Variants in TBX6 observed in about 807,000 individuals in gnomAD.
TBX6 encodes T-box transcription factor 6.
TBX6 carries 29 observed loss-of-function variants against 42.3 expected under a neutral mutation model. The observed-to-expected ratio is 0.69, with a 90% confidence interval of 0.51 to 0.93. The LOEUF (loss-of-function observed/expected upper bound fraction) is 0.93. TBX6 is among the 40% of genes least tolerant of loss of function. The pLI is 0.00. For missense variants in TBX6, 569 were observed against 603.3 expected, an observed-to-expected ratio of 0.94 and a Z score of 0.59; for synonymous variants, 249 against 245.1, an observed-to-expected ratio of 1.02 and a Z score of -0.15.
rs2072628458 is a variant in TBX6 at position 30,086,353 on chromosome 16, C to T, written c.1183G>A (p.Gly395Ser). 1 of 1,589,366 alleles carries T rather than the reference C, an allele frequency of 6.3e-7. No individual in the cohort carries two copies. Among genetic ancestry groups the T allele is most frequent in the Non-Finnish European group, 8.5e-7 (1 of 1,173,284 alleles). Residue 395 changes from glycine to serine, a missense_variant, in exon 9 of 9, where the codon GGC (glycine) becomes AGC (serine). Physicochemically the swap from Gly to Ser is moderately conservative, Grantham distance 56. Transcript: ENST00000395224. This position sits in a 1 kb window ranked among gnomAD's most constrained non-coding sequence, Gnocchi z 4.6. ...GGTGGAGCCGCTGGGTACCCGGAGC[C>T]CCCTGACCCGTGCGGCAGCTCCAGA... ...AFLELPHGSG[G>S]SGYPAAPPAV...
Position 30,086,356 on chromosome 16 carries a change from C to G in TBX6, c.1180G>C (p.Gly394Arg), listed in dbSNP as rs571842380. The G allele has an allele frequency of 6.3e-7, 1 of 1,587,848 alleles. No individual in the cohort carries two copies. Among genetic ancestry groups the G allele is most frequent in the African/African-American group, 1.4e-5 (1 of 72,944 alleles). Reference sequence around the variant, plus strand: ...GGAGCCGCTGGGTACCCGGAGCCCCCTGACCCGTGCGGCAGCTCCAGAAAT... The same window carrying G: ...GGAGCCGCTGGGTACCCGGAGCCCCGTGACCCGTGCGGCAGCTCCAGAAAT... ...AAFLELPHGS[G>R]GSGYPAAPPA... is the part of the protein sequence containing the mutation. Residue 394 changes from glycine to arginine, a missense_variant, in exon 9 of 9, where the codon GGG (glycine) becomes CGG (arginine). Coordinates refer to ENST00000395224, the MANE Select transcript of TBX6 (RefSeq NM_004608.4). The surrounding 1 kb of genome is among the most constrained non-coding windows in gnomAD (Gnocchi z 4.6).
Position 30,086,157 on chromosome 16 carries a change from A to C in TBX6, c.*68T>G, listed in dbSNP as rs1331860866. ...GTGGGGGATGGGGCCGGTGGAGGTG[A>C]GGGGGCTCCAGGGCTGGGGGAAGGG... On this transcript the variant is annotated 3_prime_UTR_variant, in exon 9 of 9. Transcript: ENST00000395224. This position sits in a 1 kb window ranked among gnomAD's most constrained non-coding sequence, Gnocchi z 4.6. The C allele has an allele frequency of 5.2e-6, 7 of 1,358,238 alleles. No homozygotes were observed. The highest frequency in any genetic ancestry group is 6.7e-6 in the Non-Finnish European group (7 of 1,043,064). 84.1% of individuals were successfully genotyped at this position (1,358,238 alleles called of 1,614,324 possible). A position where few individuals can be genotyped will look rare whatever the true frequency, so the allele number is the denominator to read the frequency against.
Position 30,088,942 on chromosome 16 carries a change from C to T in TBX6, c.621+1G>A. Reference sequence around the variant, plus strand: ...TCCTGGAGTCCCAGCCTGGGCCTCACGTGGCCGTGGGGGTCCAGCGTGCTG... The same window carrying T: ...TCCTGGAGTCCCAGCCTGGGCCTCATGTGGCCGTGGGGGTCCAGCGTGCTG... On this transcript the variant is annotated splice_donor_variant, in intron 4 of 8. Coordinates refer to ENST00000395224, the MANE Select transcript of TBX6 (RefSeq NM_004608.4). LOFTEE classifies it high-confidence loss of function. The surrounding 1 kb of genome is among the most constrained non-coding windows in gnomAD (Gnocchi z 4.1). 2 of 1,605,012 alleles carry T rather than the reference C, an allele frequency of 1.2e-6. No homozygotes were observed. Among genetic ancestry groups the T allele is most frequent in the Non-Finnish European group, 1.7e-6 (2 of 1,173,142 alleles).
In TBX6 at chr16:30,088,633, G is replaced by A. The variant is rs749699705; in HGVS notation, c.769-18C>T. On this transcript the variant is annotated intron_variant, in intron 5 of 8. Coordinates refer to ENST00000395224, the MANE Select transcript of TBX6 (RefSeq NM_004608.4). This position sits in a 1 kb window ranked among gnomAD's most constrained non-coding sequence, Gnocchi z 4.1. ...TGTGTGATCTGGGGACACACATGCA[G>A]GGTCAAAGCAACTGCGGTCTGGGCA... 1 of 1,614,184 alleles carries A rather than the reference G, an allele frequency of 6.2e-7. No individual in the cohort carries two copies. Among genetic ancestry groups the A allele is most frequent in the East Asian group, 2.2e-5 (1 of 44,874 alleles).
intron 6 of TBX6, chr16:30,087,943 T>TC (rs1258462604): frequency 8.9e-5 from 13 of 146,058 alleles, no homozygotes; most frequent in Non-Finnish European, 1.5e-4. Context: ...TCTTTCTTTT[T>TC]TTTTTTTTTT....
chr16:30,086,942 CAGG>C lies in TBX6; in HGVS notation c.840-94_840-92del. The C allele has an allele frequency of 6.8e-7, 1 of 1,472,508 alleles. No homozygotes were observed. The allele number at this position is 1,472,508 out of a possible 1,614,324, so 91.2% of individuals were successfully genotyped here. A position where few individuals can be genotyped will look rare whatever the true frequency, so the allele number is the denominator to read the frequency against. ...CCCGGTGCCAGGCATTTCACCCTCC[CAGG>C]GACCCTGTCAGGTAGGGGCCATCAT... On this transcript the variant is annotated intron_variant, in intron 6 of 8. Coordinates refer to ENST00000395224, the MANE Select transcript of TBX6 (RefSeq NM_004608.4). The surrounding 1 kb of genome is among the most constrained non-coding windows in gnomAD (Gnocchi z 4.6).
rs1206194569 is a variant in TBX6 at position 30,086,506 on chromosome 16, A to G, written c.1097+6T>C. ...GCAGCCCCGCCTGGTCCCCTGTCCC[A>G]CTCACCTGGTGGGAAGGTGACTGGG... On this transcript the variant is annotated splice_donor_region_variant and intron_variant, in intron 8 of 8. Transcript: ENST00000395224. This position sits in a 1 kb window ranked among gnomAD's most constrained non-coding sequence, Gnocchi z 4.6. The G allele has an allele frequency of 2.7e-6, 4 of 1,498,280 alleles. No homozygotes were observed. The highest frequency in any genetic ancestry group is 3.5e-6 in the Non-Finnish European group (4 of 1,127,034). 92.8% of individuals were successfully genotyped at this position (1,498,280 alleles called of 1,614,324 possible).
At chr16:30,091,049 T>C (rs757740497) in intron 2 of TBX6, 27 bp downstream of exon 2, 1 of 1,590,344 alleles carries the variant, frequency 6.3e-7, no homozygotes, top group Non-Finnish European at 8.6e-7. Flanking sequence ...CCTATTCTCC[T>C]ACCCAGGAGC....
At chr16:30,091,500 C>A (rs1012057777) in intron 1 of TBX6, 4 of 278,888 alleles carry the variant, frequency 1.4e-5, no homozygotes, top group Non-Finnish European at 2.7e-5. Flanking sequence ...AGGGCTCGGA[C>A]AGGGACGCAG....
At chr16:30,087,310 A>G (rs571549549) in intron 6 of TBX6, among the ~76,000 whole-genome samples, 1 of 152,066 alleles carries the variant, frequency 6.6e-6, no homozygotes, top group Non-Finnish European at 1.5e-5. Context: ...AGCTCACTGC[A>G]GCCTCCAACT....
intron 3 of TBX6, among the ~76,000 whole-genome samples, chr16:30,089,966 G>A (rs2072697402): frequency 6.6e-6 from 1 of 151,224 alleles, no homozygotes; most frequent in Non-Finnish European, 1.5e-5. Context: ...GAAGCCAGAG[G>A]GCGGAATCTT....
chr16:30,086,742 CA>C lies in TBX6; in HGVS notation c.913+35del. ...GTTGGGCTAGGGAGGATCCCTGTCT[CA>C]GGCCTGGCCCCATCGCCATCGGGAC... is the stretch of plus-strand genomic sequence containing the variant. On this transcript the variant is annotated intron_variant, in intron 7 of 8. Transcript: ENST00000395224. This position sits in a 1 kb window ranked among gnomAD's most constrained non-coding sequence, Gnocchi z 4.6. 1 of 1,613,414 alleles carries C rather than the reference CA, an allele frequency of 6.2e-7. No homozygotes were observed. The highest frequency in any genetic ancestry group is 8.5e-7 in the Non-Finnish European group (1 of 1,179,666).
At position 30,091,115 on chromosome 16, in the gene TBX6, TGGAGTC is replaced by T; in HGVS notation, c.73_78del (p.Asp25_Ser26del). 1 of 1,587,934 alleles carries T rather than the reference TGGAGTC, an allele frequency of 6.3e-7. No homozygotes were observed. Among genetic ancestry groups the T allele is most frequent in the Non-Finnish European group, 8.6e-7 (1 of 1,168,516 alleles). The stretch of plus-strand genomic sequence containing the variant: ...CCCTCCGCTAGGGCGGGTGGGAAGC[TGGAGTC>T]GGCCCCAGGTTGGGCGGGCCCCAGG... On this transcript the variant is annotated inframe_deletion, in exon 2 of 9. Coordinates refer to ENST00000395224, the MANE Select transcript of TBX6 (RefSeq NM_004608.4).
chr16:30,090,377 C>G (rs1453961761), intron 3 of TBX6, among the ~76,000 whole-genome samples: 1 of 152,132 alleles, frequency 6.6e-6, no homozygotes, highest in Non-Finnish European at 1.5e-5. Flanking sequence ...ATACTGATCC[C>G]GAATCCTGGC....
chr16:30,091,297 C>T (rs886884403), intron 1 of TBX6, 56 bp from the exon 2 acceptor site: 9 of 991,928 alleles, frequency 9.1e-6, no homozygotes, highest in African/African-American at 1.6e-5. Flanking sequence ...TCCAGGATCA[C>T]AGCCCCTCCC....
chr16:30,089,781 T>C (rs2072693746), intron 3 of TBX6, among the ~76,000 whole-genome samples: 2 of 151,816 alleles, frequency 1.3e-5, no homozygotes, highest in South Asian at 4.2e-4. Flanking sequence ...ACTACAAAAA[T>C]TAGCCGGGTG....
rs1425507822 is a variant in TBX6, at chr16:30,088,046, C to G, written c.839+499G>C. ...CTCCACCTCCTGGGTTCAAGAGATT[C>G]TCCTGCCTCAGCCTCCCAAGTAGTT... On this transcript the variant is annotated intron_variant, in intron 6 of 8. Transcript: ENST00000395224. This position sits in a 1 kb window ranked among gnomAD's most constrained non-coding sequence, Gnocchi z 4.1. The G allele has an allele frequency of 2.8e-5, 5 of 180,506 alleles. No individual in the cohort carries two copies. Among genetic ancestry groups the G allele is most frequent in the African/African-American group, 7.3e-5 (3 of 41,192 alleles). 11.2% of individuals were successfully genotyped at this position (180,506 alleles called of 1,614,324 possible). A position where few individuals can be genotyped will look rare whatever the true frequency, so the allele number is the denominator to read the frequency against.
chr16:30,091,730 G>C (rs1255760595), intron 1 of TBX6, 143 bp downstream of exon 1: 1 of 157,754 alleles, frequency 6.3e-6, no homozygotes, highest in Non-Finnish European at 1.4e-5. Context: ...CAGGCTAGAG[G>C]GACGCGGCCT....
Position 30,088,923 on chromosome 16 carries a change from A to G in TBX6, c.621+20T>C. ...CCAGCACCCCCCAACCCTATCCTGG[A>G]GTCCCAGCCTGGGCCTCACGTGGCC... On this transcript the variant is annotated intron_variant, in intron 4 of 8. Coordinates refer to ENST00000395224, the MANE Select transcript of TBX6 (RefSeq NM_004608.4). This position sits in a 1 kb window ranked among gnomAD's most constrained non-coding sequence, Gnocchi z 4.1. 6.2e-7 allele frequency: 1 copy of G among 1,603,408 alleles called. No individual in the cohort carries two copies. The highest frequency in any genetic ancestry group is 8.5e-7 in the Non-Finnish European group (1 of 1,172,036).
Sources: allele counts gnomAD v4.1 joint callset (sites outside exome capture counted in the v4.1 genomes callset), GRCh38; gene constraint gnomAD v4.1.1; non-coding constraint Gnocchi (gnomAD v3.1); transcripts MANE v1.5; gene names NCBI Gene and HGNC (gene_info 2026-07-23, HGNC 2026-07-21).